The following SORCS3 variants were observed in gnomAD, a reference collection of about 807,000 sequenced individuals.
SORCS3 encodes VPS10 domain-containing receptor SorCS3.
SORCS3 carries 57 observed loss-of-function variants against 146.3 expected under a neutral mutation model. That is an observed-to-expected ratio of 0.39 (90% CI 0.31 to 0.49). SORCS3 has a LOEUF of 0.49. Ranked by LOEUF, SORCS3 falls within the 20% of genes least tolerant of loss-of-function variation. The pLI is 0.92. For synonymous variants in SORCS3, 653 were observed against 618.5 expected (o/e 1.06, Z -0.83); for missense variants, 1,341 against 1,575.5 (o/e 0.85, Z 2.52).
chr10:105,077,657 T>G (rs1027053672), intron 5 of SORCS3, among the ~76,000 whole-genome samples: 12 of 152,348 alleles, frequency 7.9e-5, no homozygotes, highest in African/African-American at 2.4e-4. Context: ...GATCTCTTTT[T>G]GTCTCTTGTC....
At chr10:104,696,090 T>TA (rs1564660883) in intron 1 of SORCS3, among the ~76,000 whole-genome samples, 244 of 20,878 alleles carry the variant, frequency 0.012, 8 homozygotes, top group African/African-American at 0.025. Context: ...TATACACATA[T>TA]ATAATATATC....
At chr10:104,923,843 A>G (rs2019111745) in intron 3 of SORCS3, among the ~76,000 whole-genome samples, 1 of 152,218 alleles carries the variant, frequency 6.6e-6, no homozygotes, top group Non-Finnish European at 1.5e-5. Flanking sequence ...ATCTGTTTCT[A>G]TTCATAAAGG....
chr10:104,954,612 G>A (rs1314029664), intron 3 of SORCS3, among the ~76,000 whole-genome samples: 3 of 152,170 alleles, frequency 2.0e-5, no homozygotes, highest in Non-Finnish European at 4.4e-5. Context: ...TTTCTGAGAA[G>A]AGTAGTCCAC....
intron 1 of SORCS3, among the ~76,000 whole-genome samples, chr10:104,659,524 G>A (rs1198814561): frequency 6.6e-6 from 1 of 152,156 alleles, no homozygotes; most frequent in Non-Finnish European, 1.5e-5. Flanking sequence ...GATGACTAGT[G>A]GGGAGATATC....
Position 105,245,543 on chromosome 10 carries a change from C to A in SORCS3, c.2870C>A (p.Pro957His). The change falls in exon 21 of 27, where the codon CCT (proline) becomes CAT (histidine). Residue 957 changes from proline (P) to histidine (H), a missense_variant and splice_region_variant. Transcript: ENST00000369701. ...GAGTATTGTTACTTCTTCTTGTAGC[C>A]TCTCATCACTTTGGACAGCAGCATT... ...YFWWFGNSTK[P>H]LITLDSSISF... The A allele has an allele frequency of 1.2e-6, 2 of 1,613,982 alleles. No homozygotes were observed. The highest frequency in any genetic ancestry group is 1.7e-6 in the Non-Finnish European group (2 of 1,179,940).
At chr10:104,703,056 T>C (rs1411160361) in intron 1 of SORCS3, among the ~76,000 whole-genome samples, 1 of 152,196 alleles carries the variant, frequency 6.6e-6, no homozygotes, top group Admixed American at 6.5e-5. Context: ...TTCAAATCGA[T>C]TGATTATACA....
At chr10:104,985,695 G>T (rs887847584) in intron 4 of SORCS3, among the ~76,000 whole-genome samples, 1 of 152,138 alleles carries the variant, frequency 6.6e-6, no homozygotes, top group African/African-American at 2.4e-5. Flanking sequence ...TCCACGGTCT[G>T]CACAGTGGAT....
rs2017390149 is a variant in SORCS3 at position 104,782,777 on chromosome 10, C to T, written c.628-60015C>T. Among the ~76,000 whole-genome samples the T allele has an allele frequency of 3.3e-5, 5 of 152,256 alleles. No homozygotes were observed. The South Asian group carries it at 1.0e-3, about 32-fold the overall frequency. On this transcript the variant is annotated intron_variant, in intron 1 of 26. Transcript: ENST00000369701. Reference sequence around the variant, plus strand: ...TTATCTTTCTGAGCCCCAGTTTCTTCTGACCGTGAAATGGATAAATTGGGT... The same window carrying T: ...TTATCTTTCTGAGCCCCAGTTTCTTTTGACCGTGAAATGGATAAATTGGGT...
At chr10:105,221,947 T>G (rs2056705111) in intron 19 of SORCS3, among the ~76,000 whole-genome samples, 1 of 148,578 alleles carries the variant, frequency 6.7e-6, no homozygotes. Flanking sequence ...GAAAGGAAAG[T>G]AAGGGAAGGA....
In SORCS3 at chr10:105,252,789, A is replaced by T. The variant is rs1451766288; in HGVS notation, c.3120A>T (p.Pro1040=). 1 of 1,614,000 alleles carries T rather than the reference A, an allele frequency of 6.2e-7. No homozygotes were observed. The change falls in exon 23 of 27, where the codon CCA becomes CCT. Residue 1040 remains proline (P), a synonymous_variant. Transcript: ENST00000369701. ...CATCTTTGCAGGTAACCAGTGTCCC[A>T]GAGGACCAGATCCTCATTGCCGTGT... ...KRALVKVTSV[P]EDQILIAVFP...
intron 2 of SORCS3, among the ~76,000 whole-genome samples, chr10:104,886,174 G>A (rs545727953): frequency 6.6e-6 from 1 of 152,188 alleles, no homozygotes; most frequent in South Asian, 2.1e-4. Context: ...AGACTGACTT[G>A]ATTTGTGGTT....
intron 4 of SORCS3, among the ~76,000 whole-genome samples, chr10:104,993,888 T>G (rs2055008894): frequency 6.6e-6 from 1 of 152,212 alleles, no homozygotes; most frequent in Non-Finnish European, 1.5e-5. Context: ...TCTTTTTTCC[T>G]CCAAAGTAGC....
chr10:104,896,287 G>A (rs2018796902), intron 2 of SORCS3, among the ~76,000 whole-genome samples: 1 of 152,168 alleles, frequency 6.6e-6, no homozygotes, highest in African/African-American at 2.4e-5. Flanking sequence ...AGGAATTCAG[G>A]GAATGGGAAG....
Position 104,773,763 on chromosome 10 carries a change from A to G in SORCS3, c.628-69029A>G, listed in dbSNP as rs532155014. Reference sequence around the variant, plus strand: ...AGAAGTGATAAGAACTGCTCAAACTAGAAGCCCCAGCTTAGGTCAGCAGAA... The same window carrying G: ...AGAAGTGATAAGAACTGCTCAAACTGGAAGCCCCAGCTTAGGTCAGCAGAA... On this transcript the variant is annotated intron_variant, in intron 1 of 26. Coordinates refer to ENST00000369701, the MANE Select transcript of SORCS3 (RefSeq NM_014978.3). 1.3e-4 allele frequency among the ~76,000 whole-genome samples: 20 copies of G among 152,360 alleles called. No homozygotes were observed. In the South Asian group the frequency reaches 3.5e-3, roughly 27 times the overall value.
intron 14 of SORCS3, among the ~76,000 whole-genome samples, chr10:105,178,720 A>T (rs1384961370): frequency 6.6e-6 from 1 of 152,116 alleles, no homozygotes. Context: ...GAAGTTGATC[A>T]CCTGTGTTTA....
chr10:105,062,408 A>G (rs1161811635), intron 5 of SORCS3, among the ~76,000 whole-genome samples: 1 of 152,218 alleles, frequency 6.6e-6, no homozygotes, highest in Non-Finnish European at 1.5e-5. Context: ...TTGTGGTGTT[A>G]TACGAATCAG....
intron 5 of SORCS3, among the ~76,000 whole-genome samples, chr10:105,074,661 C>G (rs1341550730): frequency 6.6e-6 from 1 of 152,174 alleles, no homozygotes; most frequent in Non-Finnish European, 1.5e-5. Context: ...ACAACCTCTT[C>G]CCTGTTGTCT....
chr10:104,817,432 C>T (rs1332391319), intron 1 of SORCS3, among the ~76,000 whole-genome samples: 1 of 100,450 alleles, frequency 1.0e-5, no homozygotes, highest in Non-Finnish European at 2.1e-5. Context: ...TCCTCCTCCT[C>T]TTCCTCCTCC....
intron 20 of SORCS3, among the ~76,000 whole-genome samples, chr10:105,242,839 T>C (rs2056842306): frequency 9.8e-6 from 1 of 102,374 alleles, no homozygotes; most frequent in Admixed American, 1.5e-4. Flanking sequence ...ATTATATATA[T>C]ATTTTTATAT....
Sources: gnomAD v4.1 joint callset for allele counts (sites outside exome capture counted in the v4.1 genomes callset) on GRCh38, gnomAD v4.1.1 for gene constraint, MANE v1.5 for transcripts, NCBI Gene and HGNC (gene_info 2026-07-23, HGNC 2026-07-21) for gene names.